TRHDE: variants seen among roughly 807,000 people sequenced by gnomAD.
The protein encoded by TRHDE is thyrotropin-releasing hormone-degrading ectoenzyme.
In TRHDE, 72 loss-of-function variants were observed where a neutral mutation model predicts 125.7. The ratio of observed to expected loss-of-function variants is 0.57; its 90% CI spans 0.47 to 0.70. The LOEUF (loss-of-function observed/expected upper bound fraction) is 0.70, where lower values mean the gene tolerates loss of function less well. TRHDE is among the 30% of genes least tolerant of loss of function. TRHDE has a pLI of 0.00. For synonymous variants in TRHDE, 509 were observed against 509.1 expected, an observed-to-expected ratio of 1.00 and a Z score of 0.00; for missense variants, 1,110 against 1,327.1, an observed-to-expected ratio of 0.84 and a Z score of 2.54.
chr12:72,525,239 G>A (rs563085943), intron 6 of TRHDE, among the ~76,000 whole-genome samples: 22 of 152,060 alleles, frequency 1.4e-4, no homozygotes, highest in Admixed American at 3.9e-4. Flanking sequence ...TAGGAAAAAT[G>A]GTTTTGAAAA....
intron 12 of TRHDE, among the ~76,000 whole-genome samples, chr12:72,603,765 C>CAAA (rs60044516): frequency 6.6e-6 from 1 of 151,404 alleles, no homozygotes; most frequent in Non-Finnish European, 1.5e-5. Flanking sequence ...ACAACAACAA[C>CAAA]AAAAAAACAA....
At chr12:72,097,317 T>C (rs1874948875) in intron 1 of TRHDE, among the ~76,000 whole-genome samples, 1 of 152,120 alleles carries the variant, frequency 6.6e-6, no homozygotes, top group African/African-American at 2.4e-5. Flanking sequence ...AGAGCACTGG[T>C]CTAGAGGGTC....
intron 3 of TRHDE, among the ~76,000 whole-genome samples, chr12:72,455,279 A>T (rs1003183496): frequency 2.6e-5 from 4 of 152,178 alleles, no homozygotes; most frequent in African/African-American, 9.7e-5. Flanking sequence ...AAAAAATGTT[A>T]TATGTGATCT....
At chr12:72,264,505 T>C (rs1207691243) in intron 2 of TRHDE, 1 of 152,064 alleles carries the variant, frequency 6.6e-6, no homozygotes, top group African/African-American at 2.4e-5. Flanking sequence ...AGTTTAGTGA[T>C]GATCTTGTAA....
chr12:72,295,331 C>T (rs896055704), intron 2 of TRHDE, among the ~76,000 whole-genome samples: 8 of 152,128 alleles, frequency 5.3e-5, no homozygotes, highest in African/African-American at 1.4e-4. Context: ...CAGCCCTGGC[C>T]GCGCCTCCCT....
At chr12:72,170,998 G>A (rs1876860821) in intron 2 of TRHDE, among the ~76,000 whole-genome samples, 2 of 152,146 alleles carry the variant, frequency 1.3e-5, no homozygotes, top group African/African-American at 4.8e-5. Context: ...CAACCAAGAA[G>A]TTATTATTTC....
intron 4 of TRHDE, among the ~76,000 whole-genome samples, chr12:72,471,126 C>A (rs1036877801): frequency 1.1e-4 from 16 of 152,040 alleles, no homozygotes; most frequent in Admixed American, 1.0e-3. Context: ...GATCCACCCC[C>A]CTCGACCTCC....
chr12:72,455,047 G>A (rs1181022619), intron 3 of TRHDE, among the ~76,000 whole-genome samples: 1 of 152,052 alleles, frequency 6.6e-6, no homozygotes, highest in East Asian at 1.9e-4. Flanking sequence ...TACACCTTTA[G>A]TCTAAGACCC....
chr12:72,508,492 C>CT (rs1878447572), intron 6 of TRHDE, among the ~76,000 whole-genome samples: 1 of 152,214 alleles, frequency 6.6e-6, no homozygotes, highest in Non-Finnish European at 1.5e-5. Flanking sequence ...TACATGGGGC[C>CT]TGTAGTCCCT....
At chr12:72,346,231 G>T (rs1407014702) in intron 2 of TRHDE, among the ~76,000 whole-genome samples, 1 of 152,024 alleles carries the variant, frequency 6.6e-6, no homozygotes, top group African/African-American at 2.4e-5. Flanking sequence ...ACAGGATTCT[G>T]AGTTCTTGGG....
At chr12:72,372,170 T>C (rs1277309523) in intron 2 of TRHDE, among the ~76,000 whole-genome samples, 1 of 152,174 alleles carries the variant, frequency 6.6e-6, no homozygotes, top group Non-Finnish European at 1.5e-5. Flanking sequence ...TCATGTGTCT[T>C]TTGGCTGCAT....
At chr12:72,317,099 C>T (rs1416912013) in intron 2 of TRHDE, among the ~76,000 whole-genome samples, 1 of 152,088 alleles carries the variant, frequency 6.6e-6, no homozygotes, top group East Asian at 1.9e-4. Flanking sequence ...TATCATAATT[C>T]CATTTTTATA....
At chr12:72,642,090 A>G (rs947028940) in intron 15 of TRHDE, among the ~76,000 whole-genome samples, 2 of 152,178 alleles carry the variant, frequency 1.3e-5, no homozygotes, top group Non-Finnish European at 2.9e-5. Flanking sequence ...GGTCCTCTCA[A>G]GAACCTGACC....
intron 2 of TRHDE, among the ~76,000 whole-genome samples, chr12:72,358,780 T>C (rs1870935524): frequency 6.6e-6 from 1 of 151,608 alleles, no homozygotes; most frequent in Admixed American, 6.6e-5. Flanking sequence ...AGAGAAAAGG[T>C]ACAAATATTA....
chr12:72,381,191 C>G (rs1394526210), intron 3 of TRHDE, among the ~76,000 whole-genome samples: 1 of 152,058 alleles, frequency 6.6e-6, no homozygotes, highest in Non-Finnish European at 1.5e-5. Context: ...TAGCTCTTCA[C>G]AACAAAGAGT....
intron 12 of TRHDE, among the ~76,000 whole-genome samples, chr12:72,600,577 C>G (rs1255489511): frequency 6.6e-6 from 1 of 151,828 alleles, no homozygotes; most frequent in African/African-American, 2.4e-5. Context: ...GAAATACTAC[C>G]AAGTTGTTCA....
At chr12:72,398,417 AT>A (rs951053256) in intron 3 of TRHDE, among the ~76,000 whole-genome samples, 1 of 152,056 alleles carries the variant, frequency 6.6e-6, no homozygotes, top group African/African-American at 2.4e-5. Flanking sequence ...ACTTTTTGTC[AT>A]TTTTTATAGC....
At chr12:72,446,672 A>T (rs1353529818) in intron 3 of TRHDE, among the ~76,000 whole-genome samples, 3 of 152,150 alleles carry the variant, frequency 2.0e-5, no homozygotes, top group Middle Eastern at 3.2e-3. Context: ...AGATCTACCA[A>T]GCAAATGGAA....
At chr12:72,231,616 G>A (rs1340531500) in intron 2 of TRHDE, among the ~76,000 whole-genome samples, 1 of 152,136 alleles carries the variant, frequency 6.6e-6, no homozygotes, top group Non-Finnish European at 1.5e-5. Context: ...TCTATGGTCT[G>A]TAGCTGGTTA....
Sources: gnomAD v4.1 joint callset for allele counts (sites outside exome capture counted in the v4.1 genomes callset) on GRCh38, gnomAD v4.1.1 for gene constraint, MANE v1.5 for transcripts, NCBI Gene and HGNC (gene_info 2026-07-23, HGNC 2026-07-21) for gene names.